Variants in IQCM observed in about 807,000 individuals in gnomAD.
IQCM encodes IQ domain-containing protein M.
In IQCM, 45 loss-of-function variants were observed where a neutral mutation model predicts 57.6. That is an observed-to-expected ratio of 0.78 (90% CI 0.62 to 1.00). IQCM has a LOEUF of 1.00. Ranked by LOEUF, IQCM falls within the 50% of genes least tolerant of loss-of-function variation. The probability of loss-of-function intolerance (pLI) is 0.00; values close to 1 mark genes in which losing one functional copy is unlikely to be tolerated. For synonymous variants in IQCM, 148 were observed against 158.9 expected, an observed-to-expected ratio of 0.93 and a Z score of 0.51; for missense variants, 468 against 511.6, an observed-to-expected ratio of 0.91 and a Z score of 0.82.
intron 4 of IQCM, among the ~76,000 whole-genome samples, chr4:149,734,748 C>T (rs1403799161): frequency 6.6e-6 from 1 of 152,080 alleles, no homozygotes; most frequent in African/African-American, 2.4e-5. Context: ...TATAGATGCT[C>T]TCCTCCAAAA....
intron 13 of IQCM, among the ~76,000 whole-genome samples, chr4:149,362,892 TGAGTATTTCAGTCTTGTTCCAATAA>T (rs1219356568): frequency 6.6e-6 from 1 of 152,200 alleles, no homozygotes; most frequent in Non-Finnish European, 1.5e-5. Flanking sequence ...GAGAATGAGC[TGAGTATTTCAGTCTTGTTCCAATAA>T]GATAATGGCA....
intron 12 of IQCM, among the ~76,000 whole-genome samples, chr4:149,537,355 G>C (rs1363778909): frequency 6.6e-6 from 1 of 151,616 alleles, no homozygotes; most frequent in Non-Finnish European, 1.5e-5. Context: ...CTCAGCCACA[G>C]ATTTGAAAAG....
intron 13 of IQCM, among the ~76,000 whole-genome samples, chr4:149,381,984 C>T (rs1731111808): frequency 2.6e-5 from 4 of 152,096 alleles, no homozygotes; most frequent in Middle Eastern, 3.4e-3. Context: ...CTGTTGGTCT[C>T]GAACTTCTGA....
At chr4:149,482,740 T>C (rs1334480815) in intron 12 of IQCM, among the ~76,000 whole-genome samples, 1 of 148,972 alleles carries the variant, frequency 6.7e-6, no homozygotes. Flanking sequence ...GAAGTTTTCT[T>C]TTTTTTTTTA....
At chr4:149,501,549 A>G (rs1272787662) in intron 12 of IQCM, among the ~76,000 whole-genome samples, 1 of 152,192 alleles carries the variant, frequency 6.6e-6, no homozygotes, top group Non-Finnish European at 1.5e-5. Context: ...AATGTAAAAA[A>G]ATAAAACAGG....
At chr4:149,606,441 T>C (rs1437245613) in intron 8 of IQCM, among the ~76,000 whole-genome samples, 1 of 152,066 alleles carries the variant, frequency 6.6e-6, no homozygotes, top group Non-Finnish European at 1.5e-5. Flanking sequence ...GAAGTATGAA[T>C]ACAAACAAGC....
chr4:149,590,654 A>C (rs1345538872), intron 8 of IQCM, among the ~76,000 whole-genome samples: 6 of 151,512 alleles, frequency 4.0e-5, no homozygotes, highest in Non-Finnish European at 8.8e-5. Flanking sequence ...CCTTGTCTCC[A>C]CGTGTTCTCA....
At chr4:149,771,980 G>C (rs1166012863) in intron 2 of IQCM, among the ~76,000 whole-genome samples, 1 of 152,072 alleles carries the variant, frequency 6.6e-6, no homozygotes, top group African/African-American at 2.4e-5. Context: ...TATTATCCTA[G>C]TTCTGTCCAG....
chr4:149,509,014 T>C (rs1211959233), intron 12 of IQCM, among the ~76,000 whole-genome samples: 2 of 152,184 alleles, frequency 1.3e-5, no homozygotes, highest in Non-Finnish European at 2.9e-5. Context: ...AGATGTGCCT[T>C]TTACCTTCTG....
Position 149,798,664 on chromosome 4 carries a change from C to A in IQCM, c.-49+16647G>T, listed in dbSNP as rs545376374. 5.3e-5 allele frequency among the ~76,000 whole-genome samples: 8 copies of A among 151,972 alleles called. No homozygotes were observed. The South Asian group carries it at 1.7e-3, about 32-fold the overall frequency. Reference sequence around the variant, plus strand: ...AAGGGATGGAAAAAGATAGTCCATTCCAATAGATATCAAAAAAGAGCAGGA... The same window carrying A: ...AAGGGATGGAAAAAGATAGTCCATTACAATAGATATCAAAAAAGAGCAGGA... On this transcript the variant is annotated intron_variant, in intron 2 of 13. Transcript: ENST00000636793.
At chr4:149,399,441 G>GGA (rs944373671) in intron 13 of IQCM, among the ~76,000 whole-genome samples, 82 of 152,042 alleles carry the variant, frequency 5.4e-4, no homozygotes, top group African/African-American at 1.8e-3. Context: ...TGGGAGGAAG[G>GGA]GAGAGAGTGA....
chr4:149,762,576 G>A (rs1769636045), intron 2 of IQCM, among the ~76,000 whole-genome samples: 1 of 151,982 alleles, frequency 6.6e-6, no homozygotes. Flanking sequence ...ATATTAAAAA[G>A]GCATTGTGAT....
chr4:149,477,389 G>C (rs551655519), intron 12 of IQCM, among the ~76,000 whole-genome samples: 3 of 152,250 alleles, frequency 2.0e-5, no homozygotes, highest in South Asian at 2.1e-4. Context: ...AAGGGTAAGG[G>C]AGCCTGTAAA....
At chr4:149,776,907 G>A (rs1459426962) in intron 2 of IQCM, among the ~76,000 whole-genome samples, 1 of 152,020 alleles carries the variant, frequency 6.6e-6, no homozygotes, top group Non-Finnish European at 1.5e-5. Flanking sequence ...CTAGATTTAA[G>A]ATATTTTTTA....
At chr4:149,370,365 T>C (rs567924138) in intron 13 of IQCM, among the ~76,000 whole-genome samples, 1 of 152,200 alleles carries the variant, frequency 6.6e-6, no homozygotes, top group African/African-American at 2.4e-5. Context: ...AGGATTAGTA[T>C]AGGAATTTAA....
intron 12 of IQCM, among the ~76,000 whole-genome samples, chr4:149,463,784 T>C (rs555857612): frequency 6.6e-6 from 1 of 152,290 alleles, no homozygotes; most frequent in South Asian, 2.1e-4. Flanking sequence ...TTTCAAAATA[T>C]GATAGCTGAG....
intron 11 of IQCM, among the ~76,000 whole-genome samples, chr4:149,549,945 T>C (rs1748863567): frequency 6.6e-6 from 1 of 152,228 alleles, no homozygotes; most frequent in Non-Finnish European, 1.5e-5. Flanking sequence ...AATGAAAATG[T>C]ATATTTAGTG....
chr4:149,357,439 G>T (rs1351194774), intron 13 of IQCM, among the ~76,000 whole-genome samples: 3 of 152,086 alleles, frequency 2.0e-5, no homozygotes, highest in Non-Finnish European at 4.4e-5. Flanking sequence ...AATTTATTGA[G>T]AGTTTTTAGC....
At chr4:149,576,249 C>T (rs1444399074) in intron 9 of IQCM, among the ~76,000 whole-genome samples, 1 of 151,318 alleles carries the variant, frequency 6.6e-6, no homozygotes, top group Non-Finnish European at 1.5e-5. Flanking sequence ...ATTTTGTCAC[C>T]CAAGTAATAA....
Sources: allele counts gnomAD v4.1 joint callset (sites outside exome capture counted in the v4.1 genomes callset), GRCh38; gene constraint gnomAD v4.1.1; transcripts MANE v1.5; gene names NCBI Gene and HGNC (gene_info 2026-07-23, HGNC 2026-07-21).